SEC23B: variants seen among roughly 807,000 people sequenced by gnomAD.
SEC23B encodes SEC23 homolog B, COPII component.
A neutral mutation model predicts 104.3 loss-of-function variants in SEC23B; 77 were observed. That is an observed-to-expected ratio of 0.74 (90% confidence interval 0.61 to 0.89). The LOEUF (loss-of-function observed/expected upper bound fraction) is 0.89, where lower values mean the gene tolerates loss of function less well. Among genes scored for constraint, SEC23B ranks in the 40% least tolerant of loss-of-function variants. The pLI, the probability that SEC23B is intolerant of heterozygous loss-of-function variation, is 0.00. For missense variants in SEC23B, 885 were observed against 949.4 expected (o/e 0.93, Z 0.89); for synonymous variants, 338 against 332.5 (o/e 1.02, Z -0.18).
chr20:18,532,794 G>T (rs199753096), intron 11 of SEC23B, 50 bp downstream of exon 11: 1 of 1,289,188 alleles, frequency 7.8e-7, no homozygotes, highest in South Asian at 1.2e-5. Flanking sequence ...GATTTAACCC[G>T]TCAGAAGTGT....
intron 9 of SEC23B, among the ~76,000 whole-genome samples, chr20:18,528,252 C>G (rs1274495803): frequency 6.6e-6 from 1 of 152,208 alleles, no homozygotes; most frequent in Non-Finnish European, 1.5e-5. Flanking sequence ...GTAGGAACCA[C>G]TGATGAGCAC....
intron 19 of SEC23B, among the ~76,000 whole-genome samples, chr20:18,556,861 T>C (rs538174681): frequency 3.3e-5 from 5 of 152,298 alleles, no homozygotes; most frequent in African/African-American, 1.2e-4. Context: ...GCTGGTGTGG[T>C]GGCATGCGCC....
intron 4 of SEC23B, among the ~76,000 whole-genome samples, chr20:18,519,876 C>G (rs367626194): frequency 6.6e-6 from 1 of 151,960 alleles, no homozygotes; most frequent in Non-Finnish European, 1.5e-5. Flanking sequence ...AGGGAGAGCA[C>G]GGGTGTTTTC....
chr20:18,555,864 TTATTTC>T (rs2060432748), intron 19 of SEC23B, among the ~76,000 whole-genome samples: 3 of 151,996 alleles, frequency 2.0e-5, no homozygotes, highest in Non-Finnish European at 4.4e-5. Context: ...CTTATGCACT[TTATTTC>T]TATTATTGTT....
At chr20:18,526,308 G>T in intron 7 of SEC23B, 65 bp from the exon 8 acceptor site, 1 of 1,565,500 alleles carries the variant, frequency 6.4e-7, no homozygotes, top group Non-Finnish European at 8.8e-7. Flanking sequence ...TTTCTATTGG[G>T]AAACTGAAAC....
At chr20:18,533,105 C>T (rs1372559237) in intron 11 of SEC23B, among the ~76,000 whole-genome samples, 1 of 152,188 alleles carries the variant, frequency 6.6e-6, no homozygotes, top group African/African-American at 2.4e-5. Context: ...CAGAGTAAGC[C>T]TATTGCTCAT....
chr20:18,507,976 A>C lies in SEC23B; in HGVS notation c.-15+4A>C, dbSNP rs1423521174. 1 of 152,480 alleles carries C rather than the reference A, an allele frequency of 6.6e-6. No homozygotes were observed. The allele number at this position is 152,480 out of a possible 1,614,324, so 9.4% of individuals were successfully genotyped here. A position where few individuals can be genotyped will look rare whatever the true frequency, so the allele number is the denominator to read the frequency against. ...GGGTGAGGACGGCTCTAGCTAGGTG[A>C]GCGGCTCCGGCCAGGTGAGCGGGGC... is the stretch of plus-strand genomic sequence containing the variant. On this transcript the variant is annotated splice_donor_region_variant and intron_variant, in intron 1 of 19. Coordinates refer to ENST00000650089, the MANE Select transcript of SEC23B (RefSeq NM_006363.6).
chr20:18,519,685 G>A (rs2060065778), intron 4 of SEC23B, among the ~76,000 whole-genome samples: 1 of 152,200 alleles, frequency 6.6e-6, no homozygotes, highest in Non-Finnish European at 1.5e-5. Flanking sequence ...GAGGAGTGGG[G>A]AAAGGATTTA....
Position 18,524,671 on chromosome 20 carries a change from T to C in SEC23B, c.603+2T>C. ...GATTTAACTGCAAAGCAAATACAGGTTTGTACCTTACTTGTACAGGAGCAG... is the reference window on the plus strand; with the variant it reads ...GATTTAACTGCAAAGCAAATACAGGCTTGTACCTTACTTGTACAGGAGCAG... On this transcript the variant is annotated splice_donor_variant, in intron 5 of 19. Coordinates refer to ENST00000650089, the MANE Select transcript of SEC23B (RefSeq NM_006363.6). LOFTEE classifies it high-confidence loss of function. The C allele has an allele frequency of 6.2e-7, 1 of 1,609,056 alleles. No homozygotes were observed. The highest frequency in any genetic ancestry group is 8.5e-7 in the Non-Finnish European group (1 of 1,175,862).
chr20:18,517,841 A>G (rs1452741685), intron 4 of SEC23B, among the ~76,000 whole-genome samples: 1 of 152,226 alleles, frequency 6.6e-6, no homozygotes, highest in African/African-American at 2.4e-5. Flanking sequence ...AATGAAAGAC[A>G]CAAGGTCCAA....
chr20:18,555,213 G>GTT, intron 19 of SEC23B, 40 bp downstream of exon 19: 3 of 1,511,784 alleles, frequency 2.0e-6, no homozygotes, highest in Admixed American at 1.7e-5. Context: ...TGCTAAGCTA[G>GTT]TTTTTTTTTA....
intron 12 of SEC23B, among the ~76,000 whole-genome samples, chr20:18,539,422 A>G (rs1434058822): frequency 6.7e-6 from 1 of 148,428 alleles, no homozygotes; most frequent in Non-Finnish European, 1.5e-5. Context: ...AGGCAGGAGA[A>G]TGGCATGAAC....
intron 17 of SEC23B, among the ~76,000 whole-genome samples, chr20:18,553,483 A>G (rs2122170057): frequency 6.6e-6 from 1 of 152,306 alleles, no homozygotes; most frequent in South Asian, 2.1e-4. Context: ...AAAGCACTTC[A>G]CTTTATTTAT....
intron 6 of SEC23B, 101 bp downstream of exon 6, chr20:18,525,121 T>C (rs1300625233): frequency 2.0e-5 from 22 of 1,100,326 alleles, no homozygotes; most frequent in Non-Finnish European, 2.7e-5. Flanking sequence ...TTTCTTATTA[T>C]TAGAGAAAAA....
At chr20:18,549,579 AT>A (rs765621830) in intron 16 of SEC23B, among the ~76,000 whole-genome samples, 1 of 152,202 alleles carries the variant, frequency 6.6e-6, no homozygotes, top group Non-Finnish European at 1.5e-5. Context: ...TTATGTAAAA[AT>A]GTTACATGAA....
intron 4 of SEC23B, among the ~76,000 whole-genome samples, chr20:18,518,123 T>A (rs575670695): frequency 1.3e-4 from 20 of 152,218 alleles, no homozygotes; most frequent in African/African-American, 4.3e-4. Flanking sequence ...CCTGAAAAAC[T>A]GTTTGGGTGA....
chr20:18,554,967 CAATTCTAATTA>C, intron 18 of SEC23B, 130 bp from the exon 19 acceptor site: 1 of 69,434 alleles, frequency 1.4e-5, no homozygotes, highest in Non-Finnish European at 4.4e-5. Flanking sequence ...TGCAGTAAAA[CAATTCTAATTA>C]GATTACTGTG....
chr20:18,555,986 C>G (rs953402393), intron 19 of SEC23B, among the ~76,000 whole-genome samples: 2 of 151,404 alleles, frequency 1.3e-5, no homozygotes, highest in Admixed American at 1.3e-4. Context: ...CTGGGGGTGA[C>G]GGGAGACGGT....
chr20:18,537,661 C>T (rs902338648), intron 12 of SEC23B, among the ~76,000 whole-genome samples: 3 of 152,168 alleles, frequency 2.0e-5, no homozygotes, highest in South Asian at 2.1e-4. Flanking sequence ...GGGTACAGCA[C>T]ACCAGCATGG....
Sources: gnomAD v4.1 joint callset for allele counts (sites outside exome capture counted in the v4.1 genomes callset) on GRCh38, gnomAD v4.1.1 for gene constraint, MANE v1.5 for transcripts, NCBI Gene and HGNC (gene_info 2026-07-23, HGNC 2026-07-21) for gene names.